Variants in GLIS1 observed in about 807,000 individuals in gnomAD.
GLIS1 encodes the protein GLIS family zinc finger 1.
In GLIS1, 24 loss-of-function variants were observed where a neutral mutation model predicts 63.8. That is an observed-to-expected ratio of 0.38 (90% confidence interval 0.27 to 0.53). The LOEUF is 0.53. Ranked by LOEUF, GLIS1 falls within the 20% of genes least tolerant of loss-of-function variation. The pLI is 0.85. For missense variants in GLIS1, 1,036 were observed against 1,074.1 expected (o/e 0.96, Z 0.50); for synonymous variants, 450 against 482.5 (o/e 0.93, Z 0.88).
rs1234816558 is a variant in GLIS1, at chr1:53,526,256, A to T, written c.1483-1369T>A. Among the ~76,000 whole-genome samples, 1 of 152,102 alleles carries T rather than the reference A, an allele frequency of 6.6e-6. No individual in the cohort carries two copies. The highest frequency in any genetic ancestry group is 6.5e-5 in the Admixed American group (1 of 15,276). On this transcript the variant is annotated intron_variant, in intron 5 of 10. Coordinates refer to ENST00000628545, the MANE Select transcript of GLIS1 (RefSeq NM_001367484.1). The surrounding 1 kb of genome is among the most constrained non-coding windows in gnomAD (Gnocchi z 4.4). ...AAGGCAGCTTTGCCCCTGCTGGACT[A>T]AGGAGAGGCCAGGCCAACCTCAGAC...
chr1:53,523,116 A>G (rs1401771231), intron 6 of GLIS1, among the ~76,000 whole-genome samples: 1 of 151,640 alleles, frequency 6.6e-6, no homozygotes, highest in Non-Finnish European at 1.5e-5. Flanking sequence ...GCTATAGTGA[A>G]GCCTAAATGA....
intron 2 of GLIS1, among the ~76,000 whole-genome samples, chr1:53,669,661 T>C (rs1554750): frequency 0.21 from 31,606 of 152,138 alleles, 3,339 homozygotes; most frequent in East Asian, 0.33. Context: ...CTGCAGGATG[T>C]CTGGGCTCCA....
At chr1:53,531,031 C>G (rs1232077855) in intron 4 of GLIS1, among the ~76,000 whole-genome samples, 1 of 152,220 alleles carries the variant, frequency 6.6e-6, no homozygotes, top group Non-Finnish European at 1.5e-5. Flanking sequence ...GATGGAGGCT[C>G]CATGTGGTCA....
chr1:53,655,456 T>C (rs1300095892), intron 2 of GLIS1, among the ~76,000 whole-genome samples: 2 of 152,234 alleles, frequency 1.3e-5, no homozygotes, highest in East Asian at 3.8e-4. Context: ...GTTCTCCGTG[T>C]CTCAGTTTCC....
chr1:53,579,835 C>G (rs562334880), intron 4 of GLIS1, among the ~76,000 whole-genome samples: 1 of 152,204 alleles, frequency 6.6e-6, no homozygotes, highest in Admixed American at 6.5e-5. Flanking sequence ...ACCTCCCTGC[C>G]GCTCAGCCAG....
chr1:53,573,818 C>T (rs1165623106), intron 4 of GLIS1, among the ~76,000 whole-genome samples: 1 of 152,188 alleles, frequency 6.6e-6, no homozygotes, highest in Non-Finnish European at 1.5e-5. Flanking sequence ...ACTTGGTATA[C>T]CCTGAAAACA....
chr1:53,524,875 A>T lies in GLIS1; in HGVS notation c.1495T>A (p.Cys499Ser). The T allele has an allele frequency of 6.3e-7, 1 of 1,596,174 alleles. No homozygotes were observed. The highest frequency in any genetic ancestry group is 8.6e-7 in the Non-Finnish European group (1 of 1,165,562). The part of the protein sequence containing the change: ...RTHLDTKPYA[C>S]QIPGCSKRYT... ...CGCTTGGAGCAGCCAGGGATCTGAC[A>T]GGCGTACGGCTTCTGTAACATGGGG... The change falls in exon 6 of 11, where the codon TGT (cysteine) becomes AGT (serine). Residue 499 changes from cysteine to serine, a missense_variant. Physicochemically the swap from Cys to Ser is moderately radical, Grantham distance 112. Around this residue, in one of 3 missense-constraint regions of GLIS1, gnomAD observed 400 missense variants for 400.9 expected, o/e 1.00. Coordinates refer to ENST00000628545, the MANE Select transcript of GLIS1 (RefSeq NM_001367484.1).
intron 2 of GLIS1, chr1:53,734,327 G>T: frequency 2.7e-6 from 1 of 372,956 alleles, no homozygotes; most frequent in Non-Finnish European, 3.7e-6. Context: ...CTATGGCATA[G>T]ATACTAGTTA....
rs1334252693 is a variant in GLIS1 at position 53,655,511 on chromosome 1, A to G, written c.260-55233T>C. ...ATCTCATACAGTCATTGTGAAGACC[A>G]AGTGAGTTACAAACATGTGCAGTGC... On this transcript the variant is annotated intron_variant, in intron 2 of 10. Coordinates refer to ENST00000628545, the MANE Select transcript of GLIS1 (RefSeq NM_001367484.1). Among the ~76,000 whole-genome samples the G allele has an allele frequency of 3.3e-5, 5 of 152,204 alleles. 1 individual carries two copies. In the South Asian group the frequency reaches 1.0e-3, roughly 32 times the overall value.
At chr1:53,600,365 C>G in intron 2 of GLIS1, 87 bp from the exon 3 acceptor site, 36 of 842,024 alleles carry the variant, frequency 4.3e-5, no homozygotes, top group Non-Finnish European at 5.4e-5. Context: ...CCCTGGGGTA[C>G]AGCAAGGGAC....
At chr1:53,542,379 A>C (rs2100372761) in intron 4 of GLIS1, among the ~76,000 whole-genome samples, 1 of 152,396 alleles carries the variant, frequency 6.6e-6, no homozygotes, top group East Asian at 1.9e-4. Flanking sequence ...CAGGCAGTTA[A>C]TATTTCAAAT....
chr1:53,654,640 C>A (rs138875493), intron 2 of GLIS1, among the ~76,000 whole-genome samples: 7 of 152,246 alleles, frequency 4.6e-5, no homozygotes, highest in Admixed American at 2.0e-4. Context: ...ACTCGGAGAG[C>A]GCAGTGTCTG....
At chr1:53,583,871 T>C (rs1286096546) in intron 4 of GLIS1, among the ~76,000 whole-genome samples, 2 of 152,192 alleles carry the variant, frequency 1.3e-5, no homozygotes, top group African/African-American at 4.8e-5. Context: ...CGGAACCACA[T>C]TATGGGATAT....
intron 4 of GLIS1, among the ~76,000 whole-genome samples, chr1:53,533,663 C>G (rs976266598): frequency 6.6e-6 from 1 of 152,188 alleles, no homozygotes; most frequent in African/African-American, 2.4e-5. Context: ...GCTGCAGGCA[C>G]CCCTGGCAGA....
intron 2 of GLIS1, among the ~76,000 whole-genome samples, chr1:53,675,122 C>T (rs1287967773): frequency 6.6e-6 from 1 of 152,182 alleles, no homozygotes; most frequent in Non-Finnish European, 1.5e-5. Flanking sequence ...CTGCAGCCAC[C>T]AGCTTTGCTT....
chr1:53,701,384 C>A (rs1646520999), intron 2 of GLIS1, among the ~76,000 whole-genome samples: 1 of 152,214 alleles, frequency 6.6e-6, no homozygotes, highest in African/African-American at 2.4e-5. Context: ...GGAAAGTCTT[C>A]TTCCCCCAAG....
chr1:53,710,414 C>A (rs1430895571), intron 2 of GLIS1, among the ~76,000 whole-genome samples: 1 of 152,256 alleles, frequency 6.6e-6, no homozygotes, highest in Non-Finnish European at 1.5e-5. Flanking sequence ...TCATAACAAG[C>A]CTGCAAGGCA....
chr1:53,514,509 G>T, intron 8 of GLIS1, 116 bp downstream of exon 8: 1 of 1,029,624 alleles, frequency 9.7e-7, no homozygotes, highest in Non-Finnish European at 1.4e-6. Context: ...CCTGAAGGTT[G>T]GCTATTTTCA....
chr1:53,588,126 A>G (rs1473064374), intron 4 of GLIS1, among the ~76,000 whole-genome samples: 2 of 152,198 alleles, frequency 1.3e-5, no homozygotes, highest in East Asian at 3.8e-4. Flanking sequence ...AAGCGTCTCA[A>G]TAATGATCTT....
Sources: gnomAD v4.1 joint callset for allele counts (sites outside exome capture counted in the v4.1 genomes callset) on GRCh38, gnomAD v4.1.1 for gene constraint, gnomAD v4.1.1 regional missense constraint, Gnocchi (gnomAD v3.1) non-coding constraint, MANE v1.5 for transcripts, NCBI Gene and HGNC (gene_info 2026-07-23, HGNC 2026-07-21) for gene names.